RGL1: variants seen among roughly 807,000 people sequenced by gnomAD.
RGL1 encodes ral guanine nucleotide dissociation stimulator-like 1.
In RGL1, 24 loss-of-function variants were observed where a neutral mutation model predicts 95.2. The ratio of observed to expected loss-of-function variants is 0.25; its 90% CI spans 0.18 to 0.35. RGL1 has a LOEUF of 0.35. Ranked by LOEUF, RGL1 falls within the 10% of genes least tolerant of loss-of-function variation. RGL1 has a pLI of 1.00. For synonymous variants in RGL1, 329 were observed against 344.9 expected (o/e 0.95, Z 0.51); for missense variants, 715 against 936.3 (o/e 0.76, Z 3.08).
At chr1:183,759,585 A>T (rs887785121) in intron 2 of RGL1, among the ~76,000 whole-genome samples, 1 of 152,202 alleles carries the variant, frequency 6.6e-6, no homozygotes, top group African/African-American at 2.4e-5. Flanking sequence ...ACAGAAAATT[A>T]AAAAATATTT....
intron 4 of RGL1, among the ~76,000 whole-genome samples, chr1:183,877,514 A>T (rs529594780): frequency 2.0e-5 from 3 of 152,228 alleles, no homozygotes; most frequent in East Asian, 1.9e-4. Context: ...AGCCTTGGGC[A>T]TGTGTCCAGG....
At chr1:183,648,407 G>C (rs1165164083) in intron 1 of RGL1, 9 of 1,614,156 alleles carry the variant, frequency 5.6e-6, no homozygotes, top group Admixed American at 1.7e-5. Flanking sequence ...CATTACAAGG[G>C]GAGTTGTTGG....
intron 3 of RGL1, among the ~76,000 whole-genome samples, chr1:183,853,551 G>T (rs1044080160): frequency 4.6e-5 from 7 of 152,176 alleles, no homozygotes; most frequent in African/African-American, 1.7e-4. Flanking sequence ...AAGATTATCT[G>T]ACTTAAATTT....
At chr1:183,737,965 C>T (rs1004819410) in intron 1 of RGL1, among the ~76,000 whole-genome samples, 2 of 152,066 alleles carry the variant, frequency 1.3e-5, no homozygotes, top group Admixed American at 6.6e-5. Context: ...CAAAGGAGTC[C>T]GTAAGGCTTA....
intron 2 of RGL1, among the ~76,000 whole-genome samples, chr1:183,829,439 TAA>T (rs748047870): frequency 4.7e-4 from 63 of 132,748 alleles, no homozygotes; most frequent in African/African-American, 9.1e-4. Flanking sequence ...AGACCCTGCT[TAA>T]AAAAAAAAAA....
At chr1:183,813,036 A>T (rs1187866431) in intron 2 of RGL1, among the ~76,000 whole-genome samples, 1 of 152,146 alleles carries the variant, frequency 6.6e-6, no homozygotes, top group Non-Finnish European at 1.5e-5. Flanking sequence ...TAGAACAATG[A>T]CTGACAGCTG....
rs1267453153 is a variant in RGL1 at position 183,759,953 on chromosome 1, G to A, written c.132+17664G>A. On this transcript the variant is annotated intron_variant, in intron 2 of 18. Coordinates refer to the RGL1 transcript ENST00000304685. ...TCCTGTGTGGTACTGTAATATCTCT[G>A]CATATCTATCTTATAAGACTCATCA... Among the ~76,000 whole-genome samples the A allele has an allele frequency of 3.3e-5, 5 of 152,274 alleles. No homozygotes were observed. In the East Asian group the frequency reaches 7.7e-4, roughly 23 times the overall value.
chr1:183,783,328 A>G (rs1477270731), intron 2 of RGL1, among the ~76,000 whole-genome samples: 3 of 152,140 alleles, frequency 2.0e-5, no homozygotes, highest in Non-Finnish European at 4.4e-5. Context: ...ACATATATAT[A>G]ATGATACTTA....
At chr1:183,769,621 A>G (rs537591589) in intron 2 of RGL1, among the ~76,000 whole-genome samples, 1 of 152,388 alleles carries the variant, frequency 6.6e-6, no homozygotes, top group African/African-American at 2.4e-5. Flanking sequence ...TAAAGCTCCA[A>G]TAGCTTTTAC....
At chr1:183,784,114 C>A (rs1660035305) in intron 2 of RGL1, among the ~76,000 whole-genome samples, 2 of 152,128 alleles carry the variant, frequency 1.3e-5, no homozygotes, top group South Asian at 4.1e-4. Context: ...AAAGACAGGG[C>A]AAACTGGGAG....
intron 1 of RGL1, among the ~76,000 whole-genome samples, chr1:183,664,717 G>GA (rs1479623006): frequency 6.6e-6 from 1 of 151,930 alleles, no homozygotes; most frequent in Admixed American, 6.6e-5. Context: ...CTAAGGACAA[G>GA]AAAAAAATGT....
At chr1:183,819,333 G>C (rs10911442) in intron 2 of RGL1, among the ~76,000 whole-genome samples, 82,687 of 152,010 alleles carry the variant, frequency 0.54, 23,380 homozygotes, top group Middle Eastern at 0.61. Context: ...AGTGTACTTT[G>C]TGTGGTGCAC....
chr1:183,923,985 A>G (rs1227667917), intron 17 of RGL1, among the ~76,000 whole-genome samples: 1 of 152,044 alleles, frequency 6.6e-6, no homozygotes, highest in Non-Finnish European at 1.5e-5. Context: ...TGCACATTTT[A>G]CCTTTTTTAA....
intron 2 of RGL1, among the ~76,000 whole-genome samples, chr1:183,784,142 G>A (rs984965945): frequency 4.6e-5 from 7 of 152,204 alleles, no homozygotes; most frequent in South Asian, 2.1e-4. Context: ...ATCTGCCCTC[G>A]AGGATTGATC....
chr1:183,785,910 C>A (rs1213759340), intron 2 of RGL1, among the ~76,000 whole-genome samples: 4 of 144,032 alleles, frequency 2.8e-5, no homozygotes, highest in Non-Finnish European at 6.1e-5. Flanking sequence ...CAGAGTGTGA[C>A]CCCATCTCTA....
chr1:183,767,307 A>G (rs1659025935), intron 2 of RGL1, among the ~76,000 whole-genome samples: 1 of 151,984 alleles, frequency 6.6e-6, no homozygotes, highest in Non-Finnish European at 1.5e-5. Flanking sequence ...AACCCAAAGG[A>G]GAACAAACAG....
intron 2 of RGL1, among the ~76,000 whole-genome samples, chr1:183,812,485 T>C (rs753811248): frequency 9.7e-4 from 147 of 152,230 alleles, no homozygotes; most frequent in Admixed American, 1.6e-3. Flanking sequence ...CATTCATTTA[T>C]TCATCAAAAG....
At chr1:183,693,691 A>C (rs538800284) in intron 1 of RGL1, among the ~76,000 whole-genome samples, 54 of 152,046 alleles carry the variant, frequency 3.6e-4, no homozygotes, top group Non-Finnish European at 6.3e-4. Flanking sequence ...AGCCAGAATA[A>C]AACCAAAAGT....
intron 15 of RGL1, among the ~76,000 whole-genome samples, chr1:183,913,068 C>T (rs1021898084): frequency 2.0e-5 from 3 of 151,556 alleles, no homozygotes; most frequent in African/African-American, 7.3e-5. Flanking sequence ...AAAAAGGAAA[C>T]TGATGAGAGG....
Sources: allele counts gnomAD v4.1 joint callset (sites outside exome capture counted in the v4.1 genomes callset), GRCh38; gene constraint gnomAD v4.1.1; transcripts MANE v1.5; gene names NCBI Gene and HGNC (gene_info 2026-07-23, HGNC 2026-07-21).